Variants in MBNL3 observed in about 807,000 individuals in gnomAD.
The protein encoded by MBNL3 is muscleblind like splicing regulator 3, also known as muscleblind-like protein 3.
In MBNL3, 6 loss-of-function variants were observed where a neutral mutation model predicts 24.5. The ratio of observed to expected loss-of-function variants is 0.25; its 90% CI spans 0.13 to 0.48. MBNL3 has a LOEUF of 0.48. MBNL3 is among the 20% of genes least tolerant of loss of function. MBNL3 has a pLI of 0.99. For synonymous variants in MBNL3, 100 were observed against 101.7 expected (o/e 0.98, Z 0.10); for missense variants, 230 against 293.5 (o/e 0.78, Z 1.58).
intron 8 of MBNL3, chrX:132,381,378 A>G (rs1054132998): frequency 3.4e-6 from 4 of 1,173,646 alleles, no homozygotes; most frequent in Non-Finnish European, 4.6e-6. Flanking sequence ...GAGAACTTCT[A>G]CATCTGTGAA....
intron 2 of MBNL3, among the ~76,000 whole-genome samples, chrX:132,417,770 C>T (rs1272776514): frequency 9.0e-6 from 1 of 111,118 alleles, no homozygotes; most frequent in Non-Finnish European, 1.9e-5. Context: ...CTTCAGAAAA[C>T]ATCTTTCTGA....
intron 3 of MBNL3, among the ~76,000 whole-genome samples, chrX:132,396,082 G>C (rs912018444): frequency 6.4e-5 from 7 of 109,183 alleles, no homozygotes; most frequent in Non-Finnish European, 1.3e-4. Flanking sequence ...TCTTATTCCA[G>C]TGTCCATCCA....
At chrX:132,396,605 T>C (rs865806167) in intron 3 of MBNL3, among the ~76,000 whole-genome samples, 18 of 35,762 alleles carry the variant, frequency 5.0e-4, no homozygotes, top group Admixed American at 8.8e-4. Context: ...TATATATTCC[T>C]ATATATATTC....
intron 2 of MBNL3, among the ~76,000 whole-genome samples, chrX:132,417,303 G>T (rs1355712651): frequency 9.0e-6 from 1 of 111,293 alleles, no homozygotes; most frequent in African/African-American, 3.3e-5. Context: ...CTAGAAATGG[G>T]GTTAAAGAAA....
intron 2 of MBNL3, chrX:132,430,209 T>C (rs1192704311): frequency 9.0e-6 from 1 of 111,316 alleles, no homozygotes; most frequent in African/African-American, 3.3e-5. Context: ...AAAAGCTAAC[T>C]TTTAAAATAC....
intron 2 of MBNL3, among the ~76,000 whole-genome samples, chrX:132,409,121 A>C (rs772745303): frequency 1.8e-5 from 2 of 112,637 alleles, no homozygotes; most frequent in African/African-American, 6.4e-5. Context: ...AGAACTCAGG[A>C]TAATATATTT....
chrX:132,416,373 CA>C (rs1437678841), intron 2 of MBNL3, among the ~76,000 whole-genome samples: 2 of 109,008 alleles, frequency 1.8e-5, no homozygotes, highest in African/African-American at 3.5e-5. Context: ...CAAAACAAAA[CA>C]AAAAACCCAC....
chrX:132,476,535 C>T (rs1047128590), intron 1 of MBNL3, among the ~76,000 whole-genome samples: 1 of 112,029 alleles, frequency 8.9e-6, no homozygotes, highest in African/African-American at 3.2e-5. Context: ...GAAAGTTTGC[C>T]TTGACAGTCT....
chrX:132,396,441 C>CATATATATTCCTAT (rs1378941011), intron 3 of MBNL3, among the ~76,000 whole-genome samples: 1 of 71,766 alleles, frequency 1.4e-5, no homozygotes, highest in Non-Finnish European at 2.5e-5. Context: ...TATATATATT[C>CATATATATTCCTAT]ATATATATTC....
upstream of MBNL3, among the ~76,000 whole-genome samples, chrX:132,489,190 G>A (rs776060722): frequency 1.3e-4 from 15 of 112,771 alleles, 1 homozygote; most frequent in South Asian, 5.5e-3. Flanking sequence ...CTCGGACGGA[G>A]GCGACGGTTC....
At chrX:132,438,117 G>A (rs1163570370) in intron 2 of MBNL3, among the ~76,000 whole-genome samples, 2 of 111,884 alleles carry the variant, frequency 1.8e-5, no homozygotes, top group African/African-American at 3.2e-5. Flanking sequence ...AGATAATGAC[G>A]CTTTTGTTTT....
At position 132,382,237 on chromosome X, in the gene MBNL3, A is replaced by G. The variant is rs750104392; in HGVS notation, c.994T>C (p.Ser332Pro). ...MMHGATPTTV[S>P]AATTPATSVP... ...CTGGTGGCAGGTGTTGTTGCTGCAG[A>G]CACAGTGGTAGGTGTAGCACCGTGC... Residue 332 changes from serine to proline, a missense_variant, in exon 8 of 9, where the codon TCT (serine) becomes CCT (proline). Coordinates refer to ENST00000370853, the MANE Select transcript of MBNL3 (RefSeq NM_001386889.1). The G allele has an allele frequency of 8.3e-7, 1 of 1,211,115 alleles. No homozygotes were observed. Among genetic ancestry groups the G allele is most frequent in the Non-Finnish European group, 1.1e-6 (1 of 895,043 alleles).
chrX:132,470,116 G>T (rs750422192), intron 1 of MBNL3, among the ~76,000 whole-genome samples: 2 of 111,667 alleles, frequency 1.8e-5, no homozygotes, highest in South Asian at 7.5e-4. Flanking sequence ...TTAGTTGACA[G>T]ACATTTGGGC....
Position 132,423,920 on chromosome X carries a change from G to C in MBNL3, c.177+15515C>G, listed in dbSNP as rs753382168. ...AGAAATGGAATTAGCCCCTTCTCTT[G>C]TTGACTTGCTCTCTTACTACTTAGA... On this transcript the variant is annotated intron_variant, in intron 2 of 8. Coordinates refer to ENST00000370853, the MANE Select transcript of MBNL3 (RefSeq NM_001386889.1). Among the ~76,000 whole-genome samples the C allele has an allele frequency of 4.5e-5, 5 of 111,825 alleles. No individual in the cohort carries two copies. In the East Asian group the frequency reaches 1.4e-3, roughly 31 times the overall value.
rs1461700408 is a variant in MBNL3, at chrX:132,370,888, G to A, written c.*8778C>T. 1.8e-5 allele frequency: 2 copies of A among 111,643 alleles called. No individual in the cohort carries two copies. Among genetic ancestry groups the A allele is most frequent in the Non-Finnish European group, 3.8e-5 (2 of 53,140 alleles). The allele number at this position is 111,643 out of a possible 1,213,427, so 9.2% of individuals were successfully genotyped here. Reference sequence around the variant, plus strand: ...GGTTTACATCTGGTTTTGCCTGTGGGTCAACTTTCTTCCAGCCAATAGAAA... The same window carrying A: ...GGTTTACATCTGGTTTTGCCTGTGGATCAACTTTCTTCCAGCCAATAGAAA... On this transcript the variant is annotated 3_prime_UTR_variant, in exon 9 of 9. Coordinates refer to ENST00000370853, the MANE Select transcript of MBNL3 (RefSeq NM_001386889.1).
chrX:132,406,723 A>G (rs1941884399), intron 2 of MBNL3, among the ~76,000 whole-genome samples: 1 of 111,855 alleles, frequency 8.9e-6, no homozygotes, highest in Non-Finnish European at 1.9e-5. Context: ...GTTCCGTGGA[A>G]TCAAACATGC....
intron 1 of MBNL3, among the ~76,000 whole-genome samples, chrX:132,463,072 CA>C (rs1395979802): frequency 8.9e-6 from 1 of 112,538 alleles, no homozygotes; most frequent in African/African-American, 3.2e-5. Context: ...TGATTTAAAA[CA>C]TTTAAAGTTT....
chrX:132,373,023 G>A lies in MBNL3; in HGVS notation c.*6643C>T, dbSNP rs1933764487. On this transcript the variant is annotated 3_prime_UTR_variant, in exon 9 of 9. Transcript: ENST00000370853. ...AAATATTTTCTTGAGGTTAGTAATA[G>A]AGGGCTTTTTTTGGGGGGGGGCCTC... The A allele has an allele frequency of 9.1e-6, 1 of 110,382 alleles. No homozygotes were observed. Among genetic ancestry groups the A allele is most frequent in the South Asian group, 3.9e-4 (1 of 2,559 alleles). 9.1% of individuals were successfully genotyped at this position (110,382 alleles called of 1,213,427 possible).
intron 6 of MBNL3, among the ~76,000 whole-genome samples, chrX:132,386,329 C>G (rs1407487337): frequency 9.0e-6 from 1 of 111,481 alleles, no homozygotes; most frequent in East Asian, 2.8e-4. Context: ...TTTTATTTGA[C>G]AGCACTCTAC....
Sources: allele counts gnomAD v4.1 joint callset (sites outside exome capture counted in the v4.1 genomes callset), GRCh38; gene constraint gnomAD v4.1.1; transcripts MANE v1.5; gene names NCBI Gene and HGNC (gene_info 2026-07-23, HGNC 2026-07-21).